ST8SIA1: variants seen among roughly 807,000 people sequenced by gnomAD.
The protein encoded by ST8SIA1 is alpha-N-acetylneuraminide alpha-2,8-sialyltransferase.
A neutral mutation model predicts 35.9 loss-of-function variants in ST8SIA1; 16 were observed. The observed-to-expected ratio is 0.45, with a 90% CI of 0.30 to 0.68. The LOEUF (loss-of-function observed/expected upper bound fraction) is 0.68, where lower values mean the gene tolerates loss of function less well. ST8SIA1 is among the 30% of genes least tolerant of loss of function. The pLI is 0.09. For synonymous variants in ST8SIA1, 170 were observed against 169.6 expected (o/e 1.00, Z -0.02); for missense variants, 383 against 453.6 (o/e 0.84, Z 1.41).
intron 3 of ST8SIA1, among the ~76,000 whole-genome samples, chr12:22,249,376 A>G (rs908988433): frequency 1.3e-4 from 19 of 151,290 alleles, no homozygotes; most frequent in East Asian, 3.9e-4. Context: ...CTGCCACCAC[A>G]CCCGGCTAAT....
chr12:22,254,480 C>G (rs1386187509), intron 3 of ST8SIA1, among the ~76,000 whole-genome samples: 1 of 152,164 alleles, frequency 6.6e-6, no homozygotes, highest in African/African-American at 2.4e-5. Flanking sequence ...TACACCCTCT[C>G]TAGCCAGAGC....
At chr12:22,250,947 T>C (rs1242881003) in intron 3 of ST8SIA1, among the ~76,000 whole-genome samples, 1 of 152,202 alleles carries the variant, frequency 6.6e-6, no homozygotes. Context: ...TCAGAGAACC[T>C]ACTCTTGAAG....
chr12:22,292,391 A>C (rs1866187500), intron 1 of ST8SIA1, among the ~76,000 whole-genome samples: 1 of 152,202 alleles, frequency 6.6e-6, no homozygotes, highest in Non-Finnish European at 1.5e-5. Context: ...CCCAGAATAT[A>C]AACTCCATAA....
chr12:22,238,169 C>CCG lies in ST8SIA1; in HGVS notation c.584+10836_584+10837insCG, dbSNP rs762719554. 7.9e-5 allele frequency among the ~76,000 whole-genome samples: 12 copies of CCG among 152,112 alleles called. No individual in the cohort carries two copies. The East Asian group carries it at 1.5e-3, about 20-fold the overall frequency. ...AATAATGTGACTTGAGAACTCCCCCCCCAACAAGAGGTGGATCTGTGCTAG... is the reference window on the plus strand; with the variant it reads ...AATAATGTGACTTGAGAACTCCCCCCCGCCAACAAGAGGTGGATCTGTGCTAG... On this transcript the variant is annotated intron_variant, in intron 4 of 4. Coordinates refer to ENST00000396037, the MANE Select transcript of ST8SIA1 (RefSeq NM_003034.4).
chr12:22,320,996 AAAGAAAG>A (rs772114792), intron 1 of ST8SIA1, among the ~76,000 whole-genome samples: 2,007 of 101,816 alleles, frequency 0.02, 27 homozygotes, highest in East Asian at 0.043. Flanking sequence ...AGAAAGAAAG[AAAGAAAG>A]AAGAAAGAAA....
rs78949177 is a variant in ST8SIA1 at position 22,322,566 on chromosome 12, G to A, written c.236+11431C>T. Among the ~76,000 whole-genome samples the A allele has an allele frequency of 4.3e-3, 658 of 152,300 alleles. 9 individuals are homozygous for A. The highest frequency in any genetic ancestry group is 8.7e-3 in the East Asian group (45 of 5,188). On this transcript the variant is annotated intron_variant, in intron 1 of 4. Transcript: ENST00000396037. ...TCATCCAATACTCATTAGACATTTA[G>A]TAAGGCTGTGACCAGGGACTTGAGA...
intron 1 of ST8SIA1, among the ~76,000 whole-genome samples, chr12:22,293,482 C>T (rs1866205034): frequency 6.6e-6 from 1 of 152,146 alleles, no homozygotes; most frequent in African/African-American, 2.4e-5. Context: ...ATCAATAGTC[C>T]TTATTGTAAA....
chr12:22,285,642 TG>T (rs1177149094), intron 2 of ST8SIA1, among the ~76,000 whole-genome samples: 1 of 151,842 alleles, frequency 6.6e-6, no homozygotes, highest in Non-Finnish European at 1.5e-5. Flanking sequence ...GAGGCCGAGG[TG>T]GGCAGATCAC....
intron 1 of ST8SIA1, 133 bp from the exon 2 acceptor site, chr12:22,287,426 G>A (rs1866114143): frequency 2.9e-6 from 2 of 698,540 alleles, no homozygotes; most frequent in African/African-American, 3.6e-5. Flanking sequence ...TCTCCAGGGT[G>A]ATTAGACTAC....
intron 2 of ST8SIA1, among the ~76,000 whole-genome samples, chr12:22,260,729 CATATAA>C (rs1386543207): frequency 6.6e-6 from 1 of 152,008 alleles, no homozygotes; most frequent in Non-Finnish European, 1.5e-5. Context: ...TCTGAAGTCC[CATATAA>C]ATATATTATA....
rs1864956125 is a variant in ST8SIA1 at position 22,194,210 on chromosome 12, C to G, written c.*7342G>C. Reference sequence around the variant, plus strand: ...GAGTGTCTATAGTAACCTATCAACACCCAACGGTGCTCAAGACTGAATGAT... The same window carrying G: ...GAGTGTCTATAGTAACCTATCAACAGCCAACGGTGCTCAAGACTGAATGAT... On this transcript the variant is annotated 3_prime_UTR_variant, in exon 5 of 5. Transcript: ENST00000396037. 1 of 152,136 alleles carries G rather than the reference C, an allele frequency of 6.6e-6. No homozygotes were observed. 9.4% of individuals were successfully genotyped at this position (152,136 alleles called of 1,614,324 possible). A position where few individuals can be genotyped will look rare whatever the true frequency, so the allele number is the denominator to read the frequency against.
intron 2 of ST8SIA1, among the ~76,000 whole-genome samples, chr12:22,259,874 T>C (rs572600599): frequency 2.6e-5 from 4 of 152,354 alleles, no homozygotes; most frequent in African/African-American, 9.6e-5. Context: ...TCCAGAATGA[T>C]GTATGAACAA....
chr12:22,235,139 A>G (rs77683715), intron 4 of ST8SIA1, among the ~76,000 whole-genome samples: 3 of 152,218 alleles, frequency 2.0e-5, no homozygotes, highest in Non-Finnish European at 4.4e-5. Flanking sequence ...AATGCATATC[A>G]TGATTTATAA....
At chr12:22,294,828 T>C (rs1022652148) in intron 1 of ST8SIA1, among the ~76,000 whole-genome samples, 24 of 152,226 alleles carry the variant, frequency 1.6e-4, no homozygotes, top group African/African-American at 5.8e-4. Flanking sequence ...TTAAAGAATA[T>C]CAATGTTTCT....
intron 4 of ST8SIA1, among the ~76,000 whole-genome samples, chr12:22,203,792 T>C (rs989855253): frequency 6.6e-6 from 1 of 152,134 alleles, no homozygotes; most frequent in Non-Finnish European, 1.5e-5. Flanking sequence ...TGGGTGGCAC[T>C]AATGCTTTCC....
At chr12:22,306,095 C>T (rs1183347815) in intron 1 of ST8SIA1, among the ~76,000 whole-genome samples, 1 of 152,126 alleles carries the variant, frequency 6.6e-6, no homozygotes, top group African/African-American at 2.4e-5. Flanking sequence ...TGTCTTTCAC[C>T]TACCTGTGAC....
At chr12:22,258,540 A>T (rs1343960846) in intron 2 of ST8SIA1, among the ~76,000 whole-genome samples, 1 of 152,216 alleles carries the variant, frequency 6.6e-6, no homozygotes, top group African/African-American at 2.4e-5. Flanking sequence ...TGATAGATTA[A>T]GTAAGACAAC....
intron 1 of ST8SIA1, among the ~76,000 whole-genome samples, chr12:22,293,615 T>C (rs1323601115): frequency 6.6e-6 from 1 of 152,244 alleles, no homozygotes; most frequent in Non-Finnish European, 1.5e-5. Flanking sequence ...AGGACGGTTT[T>C]GAAATTGAGG....
intron 4 of ST8SIA1, among the ~76,000 whole-genome samples, chr12:22,217,159 C>G (rs961261662): frequency 7.2e-5 from 11 of 152,048 alleles, no homozygotes; most frequent in African/African-American, 2.7e-4. Context: ...TTTTCCAGGA[C>G]AAATAAAATT....
Sources: gnomAD v4.1 joint callset for allele counts (sites outside exome capture counted in the v4.1 genomes callset) on GRCh38, gnomAD v4.1.1 for gene constraint, MANE v1.5 for transcripts, NCBI Gene and HGNC (gene_info 2026-07-23, HGNC 2026-07-21) for gene names.